Variants in ADGRG6 observed in about 807,000 individuals in gnomAD.
The protein encoded by ADGRG6 is G-protein coupled receptor 126.
ADGRG6 carries 84 observed loss-of-function variants against 142.4 expected under a neutral mutation model. The observed-to-expected ratio is 0.59, with a 90% CI of 0.49 to 0.71. The LOEUF is 0.71. ADGRG6 is among the 30% of genes least tolerant of loss of function. The pLI, the probability that ADGRG6 is intolerant of heterozygous loss-of-function variation, is 0.00. For synonymous variants in ADGRG6, 521 were observed against 520.5 expected, an observed-to-expected ratio of 1.00 and a Z score of -0.01; for missense variants, 1,367 against 1,466.6, an observed-to-expected ratio of 0.93 and a Z score of 1.11.
At chr6:142,336,097 T>C (rs1247029071) in intron 2 of ADGRG6, among the ~76,000 whole-genome samples, 2 of 152,208 alleles carry the variant, frequency 1.3e-5, no homozygotes, top group African/African-American at 4.8e-5. Context: ...CCCTTCTGCA[T>C]GATAGCAGTG....
At chr6:142,397,556 C>CA in intron 9 of ADGRG6, 57 bp from the exon 10 acceptor site, 6 of 1,543,454 alleles carry the variant, frequency 3.9e-6, no homozygotes, top group Non-Finnish European at 4.4e-6. Flanking sequence ...TTTCTCCTAC[C>CA]AAATGACAAG....
intron 14 of ADGRG6, chr6:142,404,196 C>T (rs1359137835): frequency 9.9e-6 from 5 of 505,084 alleles, no homozygotes; most frequent in Non-Finnish European, 1.7e-5. Flanking sequence ...TTACCTTCTA[C>T]AAGAGGGGTT....
chr6:142,407,170 T>TAAAAAAAAAAAAAAAA (rs11414768), intron 15 of ADGRG6, among the ~76,000 whole-genome samples: 21 of 120,996 alleles, frequency 1.7e-4, no homozygotes, highest in African/African-American at 6.1e-4. Context: ...CCCGTCTCTT[T>TAAAAAAAAAAAAAAAA]AAAAAAAAAA....
chr6:142,351,059 C>A (rs1780148050), intron 2 of ADGRG6, among the ~76,000 whole-genome samples: 1 of 152,080 alleles, frequency 6.6e-6, no homozygotes, highest in South Asian at 2.1e-4. Flanking sequence ...CACGGTGAAA[C>A]CCCGTCTCTA....
At chr6:142,356,710 G>A (rs1354232349) in intron 2 of ADGRG6, among the ~76,000 whole-genome samples, 2 of 151,868 alleles carry the variant, frequency 1.3e-5, no homozygotes, top group African/African-American at 2.4e-5. Flanking sequence ...TTCTTCAGAT[G>A]TGGAAATCAG....
At position 142,397,795 on chromosome 6, in the gene ADGRG6, CTG is replaced by C. The variant is rs1775280199; in HGVS notation, c.1567+42_1567+43del. On this transcript the variant is annotated intron_variant, in intron 10 of 24. Transcript: ENST00000367609. ...TTTTTATAATATGCATTTTATACAA[CTG>C]TATATTCAGGTTTACTTGAAACAAC... is the stretch of plus-strand genomic sequence containing the variant. 3 of 1,285,694 alleles carry C rather than the reference CTG, an allele frequency of 2.3e-6. No individual in the cohort carries two copies. The South Asian group carries it at 4.7e-5, about 20-fold the overall frequency. 79.6% of individuals were successfully genotyped at this position (1,285,694 alleles called of 1,614,324 possible). A position where few individuals can be genotyped will look rare whatever the true frequency, so the allele number is the denominator to read the frequency against.
rs535714023 is a variant in ADGRG6, at chr6:142,313,892, A to T, written c.103+4248A>T. 1.2e-3 allele frequency among the ~76,000 whole-genome samples: 181 copies of T among 152,298 alleles called. 1 individual carries two copies. Among genetic ancestry groups the T allele is most frequent in the African/African-American group, 4.0e-3 (168 of 41,558 alleles). ...TTTTATGAATGTCCCCTTTTTAAAA[A>T]AAAATTCAGTATTGTGTATTGAAAA... On this transcript the variant is annotated intron_variant, in intron 2 of 24. Coordinates refer to ENST00000367609, the MANE Select transcript of ADGRG6 (RefSeq NM_198569.3).
intron 2 of ADGRG6, among the ~76,000 whole-genome samples, chr6:142,365,321 A>C (rs1780898245): frequency 6.6e-6 from 1 of 152,230 alleles, no homozygotes; most frequent in Non-Finnish European, 1.5e-5. Flanking sequence ...GTTATACTGC[A>C]TGGAGTCTTT....
chr6:142,379,889 C>A (rs1008442084), intron 4 of ADGRG6, among the ~76,000 whole-genome samples: 8 of 152,208 alleles, frequency 5.3e-5, no homozygotes, highest in African/African-American at 1.4e-4. Context: ...GACACAGCCT[C>A]AGGGGGTCCT....
chr6:142,329,154 T>A (rs1223447617), intron 2 of ADGRG6, among the ~76,000 whole-genome samples: 2 of 152,266 alleles, frequency 1.3e-5, no homozygotes, highest in African/African-American at 4.8e-5. Context: ...ATGTTAGCTA[T>A]AGTTGTTATT....
Position 142,438,370 on chromosome 6 carries a change from T to A in ADGRG6, c.3574+6T>A, listed in dbSNP as rs775254294. ...CAAAAGGAATAGCCACACAGGTGAGTCTAAAGATGTCCTCAAGTTTAGTTC... is the reference window on the plus strand; with the variant it reads ...CAAAAGGAATAGCCACACAGGTGAGACTAAAGATGTCCTCAAGTTTAGTTC... On this transcript the variant is annotated splice_donor_region_variant and intron_variant, in intron 24 of 24. Coordinates refer to ENST00000367609, the MANE Select transcript of ADGRG6 (RefSeq NM_198569.3). 6.4e-7 allele frequency: 1 copy of A among 1,572,194 alleles called. No individual in the cohort carries two copies. Among genetic ancestry groups the A allele is most frequent in the Non-Finnish European group, 8.6e-7 (1 of 1,162,236 alleles).
chr6:142,305,559 C>T (rs936825851), intron 1 of ADGRG6, among the ~76,000 whole-genome samples: 1 of 151,980 alleles, frequency 6.6e-6, no homozygotes, highest in Non-Finnish European at 1.5e-5. Flanking sequence ...ATATTTCTAA[C>T]TTTAAATATA....
In ADGRG6 at chr6:142,309,621, A is replaced by G. The variant is rs776307996; in HGVS notation, c.80A>G (p.Tyr27Cys). The G allele has an allele frequency of 7.5e-6, 12 of 1,603,002 alleles. No homozygotes were observed. Among genetic ancestry groups the G allele is most frequent in the Admixed American group, 1.7e-5 (1 of 58,812 alleles). Residue 27 changes from tyrosine to cysteine, a missense_variant, in exon 2 of 25, where the codon TAT (tyrosine) becomes TGT (cysteine). Coordinates refer to ENST00000367609, the MANE Select transcript of ADGRG6 (RefSeq NM_198569.3). ...CCTCTCCTGTTCTTATTTGCTTTAT[A>G]TATCATGTGTGTTCCTCACTCAGGT... ...PSPLLFLFAL[Y>C]IMCVPHSVWG...
intron 9 of ADGRG6, among the ~76,000 whole-genome samples, chr6:142,396,523 C>T (rs1177260921): frequency 6.6e-6 from 1 of 152,120 alleles, no homozygotes; most frequent in Non-Finnish European, 1.5e-5. Flanking sequence ...TATTTTTTAA[C>T]ACCACAAATA....
chr6:142,370,087 G>T, intron 3 of ADGRG6, 83 bp from the exon 4 acceptor site: 1 of 1,192,348 alleles, frequency 8.4e-7, no homozygotes, highest in Admixed American at 2.4e-5. Flanking sequence ...AGTAGAAAGC[G>T]ATGGAGGGCT....
chr6:142,389,979 A>G (rs577660131), intron 6 of ADGRG6, among the ~76,000 whole-genome samples: 6 of 152,030 alleles, frequency 3.9e-5, no homozygotes, highest in African/African-American at 1.4e-4. Flanking sequence ...AGAAATCTAT[A>G]GAATTAAAAA....
At chr6:142,420,186 T>C in intron 22 of ADGRG6, 82 bp downstream of exon 22, 1 of 1,070,824 alleles carries the variant, frequency 9.3e-7, no homozygotes. Flanking sequence ...ACAGATGCCA[T>C]GTTAAGTTTC....
chr6:142,417,402 T>G (rs745333794), intron 21 of ADGRG6, 33 bp downstream of exon 21: 2 of 896,828 alleles, frequency 2.2e-6, no homozygotes, highest in Non-Finnish European at 3.7e-6. Context: ...GATGAGTAGA[T>G]ATCCTTTGTT....
chr6:142,373,203 T>C (rs373099290), intron 4 of ADGRG6, among the ~76,000 whole-genome samples: 79 of 152,312 alleles, frequency 5.2e-4, no homozygotes, highest in South Asian at 2.1e-3. Flanking sequence ...TGTGCTCTTC[T>C]AACCAGTATA....
Sources: allele counts gnomAD v4.1 joint callset (sites outside exome capture counted in the v4.1 genomes callset), GRCh38; gene constraint gnomAD v4.1.1; transcripts MANE v1.5; gene names NCBI Gene and HGNC (gene_info 2026-07-23, HGNC 2026-07-21).